KCNN3: variants seen among roughly 807,000 people sequenced by gnomAD.
KCNN3 encodes small conductance calcium-activated potassium channel protein 3.
KCNN3 carries 16 observed loss-of-function variants against 62.9 expected under a neutral mutation model. That is an observed-to-expected ratio of 0.25 (90% CI 0.17 to 0.39). KCNN3 has a LOEUF of 0.39. Ranked by LOEUF, KCNN3 falls within the 10% of genes least tolerant of loss-of-function variation. The pLI is 1.00. For missense variants in KCNN3, 599 were observed against 949.4 expected (o/e 0.63, Z 4.85); for synonymous variants, 370 against 389.2 (o/e 0.95, Z 0.58).
chr1:154,798,990 C>T (rs1649847347), intron 2 of KCNN3, among the ~76,000 whole-genome samples: 1 of 150,342 alleles, frequency 6.7e-6, no homozygotes, highest in South Asian at 2.1e-4. Context: ...AATCTTGGCT[C>T]ACTGCAACCT....
intron 1 of KCNN3, chr1:154,867,914 G>C: frequency 1.0e-6 from 1 of 982,554 alleles, no homozygotes; most frequent in Non-Finnish European, 1.2e-6. Context: ...CAGCAGGAGA[G>C]CTCCCCGGCA....
chr1:154,853,398 C>T (rs541442964), intron 1 of KCNN3, among the ~76,000 whole-genome samples: 18 of 152,204 alleles, frequency 1.2e-4, no homozygotes, highest in Admixed American at 3.9e-4. Context: ...TGCAGTGGCA[C>T]GATCACAGCT....
At chr1:154,758,341 C>T (rs2101823764) in intron 3 of KCNN3, among the ~76,000 whole-genome samples, 1 of 152,272 alleles carries the variant, frequency 6.6e-6, no homozygotes, top group South Asian at 2.1e-4. Flanking sequence ...GGTGCGATTG[C>T]CACTGTGTAC....
chr1:154,812,100 C>A (rs1188469278), intron 2 of KCNN3, among the ~76,000 whole-genome samples: 1 of 152,204 alleles, frequency 6.6e-6, no homozygotes, highest in Non-Finnish European at 1.5e-5. Flanking sequence ...CCAGATATGA[C>A]ACGGGGGATC....
chr1:154,776,437 G>C (rs985302376), intron 2 of KCNN3, among the ~76,000 whole-genome samples: 3 of 152,154 alleles, frequency 2.0e-5, no homozygotes, highest in Non-Finnish European at 2.9e-5. Context: ...GTTTTGAGTA[G>C]GGGGTGGGGG....
chr1:154,760,794 GC>G (rs1647968985), intron 3 of KCNN3, among the ~76,000 whole-genome samples: 1 of 152,156 alleles, frequency 6.6e-6, no homozygotes, highest in Non-Finnish European at 1.5e-5. Context: ...CTGCCCGCAC[GC>G]CGGCTCGGGC....
chr1:154,783,079 G>T (rs1335698834), intron 2 of KCNN3, among the ~76,000 whole-genome samples: 2 of 31,648 alleles, frequency 6.3e-5, no homozygotes, highest in Admixed American at 9.3e-4. Flanking sequence ...CGGGCGTGGT[G>T]GTGGGCGCCT....
At chr1:154,824,802 C>G (rs1339787464) in intron 1 of KCNN3, among the ~76,000 whole-genome samples, 1 of 152,176 alleles carries the variant, frequency 6.6e-6, no homozygotes, top group African/African-American at 2.4e-5. Flanking sequence ...TGGGCCTCTT[C>G]CTTTTGTCCT....
In KCNN3 at chr1:154,772,475, T is replaced by G. The variant is rs1353368141; in HGVS notation, c.1030-82A>C. 23 of 1,423,676 alleles carry G rather than the reference T, an allele frequency of 1.6e-5. No individual in the cohort carries two copies. Among genetic ancestry groups the G allele is most frequent in the Non-Finnish European group, 2.1e-5 (21 of 1,021,408 alleles). 88.2% of individuals were successfully genotyped at this position (1,423,676 alleles called of 1,614,324 possible). The stretch of plus-strand genomic sequence containing the variant: ...TCCAGGCAGGACAGGTGGGGCAGGC[T>G]GGGGCAGGCTGCTGGGCTCAGGTCA... On this transcript the variant is annotated intron_variant, in intron 2 of 7. Coordinates refer to ENST00000271915, the MANE Select transcript of KCNN3 (RefSeq NM_002249.6). This position sits in a 1 kb window ranked among gnomAD's most constrained non-coding sequence, Gnocchi z 5.6.
chr1:154,729,769 C>T (rs1700550739), intron 4 of KCNN3, among the ~76,000 whole-genome samples: 1 of 152,240 alleles, frequency 6.6e-6, no homozygotes, highest in African/African-American at 2.4e-5. Context: ...CTAAAACTGA[C>T]ATTAAGCAGA....
intron 1 of KCNN3, among the ~76,000 whole-genome samples, chr1:154,833,774 C>G (rs541638386): frequency 1.0e-3 from 159 of 152,358 alleles, no homozygotes; most frequent in Middle Eastern, 3.4e-3. Context: ...CTCCACCCCT[C>G]TGCAGCTACT....
At chr1:154,812,910 A>G (rs550018905) in intron 2 of KCNN3, among the ~76,000 whole-genome samples, 1 of 152,360 alleles carries the variant, frequency 6.6e-6, no homozygotes, top group South Asian at 2.1e-4. Context: ...AACACAAACC[A>G]GGTCAGTCAT....
intron 1 of KCNN3, among the ~76,000 whole-genome samples, chr1:154,839,588 G>A (rs984778113): frequency 3.6e-5 from 1 of 27,876 alleles, no homozygotes; most frequent in African/African-American, 6.2e-5. Flanking sequence ...GGCTGACGAA[G>A]GTTTGGCCCA....
intron 3 of KCNN3, among the ~76,000 whole-genome samples, chr1:154,767,584 C>G (rs1480683738): frequency 6.6e-6 from 1 of 152,234 alleles, no homozygotes; most frequent in Admixed American, 6.5e-5. Flanking sequence ...CAACCTGCTG[C>G]CGCAGTGAGG....
intron 2 of KCNN3, among the ~76,000 whole-genome samples, chr1:154,800,035 T>A (rs1649892533): frequency 6.6e-6 from 1 of 152,216 alleles, no homozygotes; most frequent in Non-Finnish European, 1.5e-5. Context: ...GGGTGTGACG[T>A]ATGCATGGGA....
chr1:154,843,377 C>T (rs1040946596), intron 1 of KCNN3, among the ~76,000 whole-genome samples: 1 of 152,204 alleles, frequency 6.6e-6, no homozygotes, highest in Non-Finnish European at 1.5e-5. Flanking sequence ...TGAGAGCCCA[C>T]ATCCCCGGGC....
chr1:154,746,286 T>A (rs904206200), intron 3 of KCNN3, among the ~76,000 whole-genome samples: 16 of 152,130 alleles, frequency 1.1e-4, no homozygotes, highest in African/African-American at 3.9e-4. Flanking sequence ...ACGGGGCCAC[T>A]GCGCAGGGGA....
intron 3 of KCNN3, among the ~76,000 whole-genome samples, chr1:154,755,803 A>G (rs111214134): frequency 0.46 from 45,124 of 98,504 alleles, 9,367 homozygotes; most frequent in East Asian, 0.66. Flanking sequence ...AGGAGGAGGA[A>G]GAAGAAGAAG....
chr1:154,865,308 G>T (rs1004421669), intron 1 of KCNN3, among the ~76,000 whole-genome samples: 1 of 151,878 alleles, frequency 6.6e-6, no homozygotes, highest in Non-Finnish European at 1.5e-5. Flanking sequence ...TCTAGACCAG[G>T]CCTCGTCACA....
Sources: gnomAD v4.1 joint callset for allele counts (sites outside exome capture counted in the v4.1 genomes callset) on GRCh38, gnomAD v4.1.1 for gene constraint, Gnocchi (gnomAD v3.1) non-coding constraint, MANE v1.5 for transcripts, NCBI Gene and HGNC (gene_info 2026-07-23, HGNC 2026-07-21) for gene names.